Variants in ATP8A2 observed in about 807,000 individuals in gnomAD.
ATP8A2 encodes phospholipid-transporting ATPase IB.
A neutral mutation model predicts 165.6 loss-of-function variants in ATP8A2; 100 were observed. The ratio of observed to expected loss-of-function variants is 0.60; its 90% CI spans 0.51 to 0.71. The LOEUF (loss-of-function observed/expected upper bound fraction) is 0.71. ATP8A2 is among the 30% of genes least tolerant of loss of function. The probability of loss-of-function intolerance (pLI) is 0.00; values close to 1 mark genes in which losing one functional copy is unlikely to be tolerated. For missense variants in ATP8A2, 1,227 were observed against 1,479.5 expected (o/e 0.83, Z 2.80); for synonymous variants, 543 against 548.8 (o/e 0.99, Z 0.15).
chr13:25,958,716 AC>A (rs918062481), intron 33 of ATP8A2, among the ~76,000 whole-genome samples: 1 of 152,190 alleles, frequency 6.6e-6, no homozygotes, highest in African/African-American at 2.4e-5. Flanking sequence ...TCTGAGATAC[AC>A]CTTTAAAATT....
intron 2 of ATP8A2, among the ~76,000 whole-genome samples, chr13:25,499,022 A>G (rs2036767105): frequency 6.6e-6 from 1 of 152,216 alleles, no homozygotes; most frequent in African/African-American, 2.4e-5. Context: ...AAGGAAAGTA[A>G]AACTGAGATT....
At chr13:25,795,315 A>G (rs1311332340) in intron 27 of ATP8A2, among the ~76,000 whole-genome samples, 1 of 152,214 alleles carries the variant, frequency 6.6e-6, no homozygotes, top group Non-Finnish European at 1.5e-5. Context: ...GTTTCTATAC[A>G]TTACATTAAC....
intron 35 of ATP8A2, among the ~76,000 whole-genome samples, chr13:25,969,332 T>C (rs1955862228): frequency 6.6e-6 from 1 of 152,216 alleles, no homozygotes; most frequent in African/African-American, 2.4e-5. Context: ...GAGTGCACTC[T>C]GTTAAAATCT....
rs369975728 is a variant in ATP8A2, at chr13:25,800,346, A to C, written c.2679+25387A>C. On this transcript the variant is annotated intron_variant, in intron 27 of 36. Coordinates refer to ENST00000381655, the MANE Select transcript of ATP8A2 (RefSeq NM_016529.6). ...CCTGGTCAGAGCAGGAAAGGAAATA[A>C]ACACAGTTACATGATTATAAAACAA... is the stretch of plus-strand genomic sequence containing the variant. 7.9e-4 allele frequency among the ~76,000 whole-genome samples: 121 copies of C among 152,358 alleles called. 1 individual carries two copies. The highest frequency in any genetic ancestry group is 3.1e-3 in the South Asian group (15 of 4,832).
Position 25,822,495 on chromosome 13 carries a change from C to T in ATP8A2, c.2680-5623C>T, listed in dbSNP as rs182071246. Among the ~76,000 whole-genome samples, 600 of 152,242 alleles carry T rather than the reference C, an allele frequency of 3.9e-3. 4 individuals carry two copies. The highest frequency in any genetic ancestry group is 0.013 in the African/African-American group (551 of 41,554). On this transcript the variant is annotated intron_variant, in intron 27 of 36. Coordinates refer to ENST00000381655, the MANE Select transcript of ATP8A2 (RefSeq NM_016529.6). ...CATCTGATAAGAAAAACAGTTATAT[C>T]CATTTGTGTACATGTTTAATAAAAA... is the stretch of plus-strand genomic sequence containing the variant.
In ATP8A2 at chr13:25,696,836, C is replaced by T. The variant is rs144062201; in HGVS notation, c.2212-2337C>T. Among the ~76,000 whole-genome samples the T allele has an allele frequency of 2.0e-3, 312 of 152,314 alleles. 3 individuals carry two copies. Among genetic ancestry groups the T allele is most frequent in the African/African-American group, 6.3e-3 (263 of 41,574 alleles). On this transcript the variant is annotated intron_variant, in intron 24 of 36. Coordinates refer to ENST00000381655, the MANE Select transcript of ATP8A2 (RefSeq NM_016529.6). ...TTCAAGAACTTTTCCTATGCATTCA[C>T]GACTTGGCTAACTGGTGCAAGAGGC... is the stretch of plus-strand genomic sequence containing the variant.
intron 27 of ATP8A2, among the ~76,000 whole-genome samples, chr13:25,796,394 T>C (rs937128494): frequency 1.4e-4 from 21 of 152,312 alleles, no homozygotes; most frequent in Admixed American, 9.8e-4. Flanking sequence ...GGCAGGTGTG[T>C]GTTGTTTATT....
chr13:25,441,968 G>A (rs1021442739), intron 1 of ATP8A2, among the ~76,000 whole-genome samples: 6 of 152,074 alleles, frequency 3.9e-5, no homozygotes, highest in African/African-American at 1.2e-4. Flanking sequence ...CTAAGATTTT[G>A]ACTACTCTAA....
chr13:25,506,004 C>G (rs1404147957), intron 2 of ATP8A2, among the ~76,000 whole-genome samples: 1 of 152,190 alleles, frequency 6.6e-6, no homozygotes, highest in Non-Finnish European at 1.5e-5. Flanking sequence ...CAAGCTGACG[C>G]TGGGATTACA....
At chr13:25,879,634 G>C (rs1254857104) in intron 33 of ATP8A2, among the ~76,000 whole-genome samples, 1 of 152,186 alleles carries the variant, frequency 6.6e-6, no homozygotes, top group Non-Finnish European at 1.5e-5. Flanking sequence ...GGTGGCCAGT[G>C]CTGGCAGGCG....
At chr13:25,856,738 A>G (rs998812321) in intron 30 of ATP8A2, among the ~76,000 whole-genome samples, 3 of 152,218 alleles carry the variant, frequency 2.0e-5, no homozygotes, top group African/African-American at 4.8e-5. Flanking sequence ...TCATTAAGCA[A>G]TAACTCCTCC....
intron 1 of ATP8A2, among the ~76,000 whole-genome samples, chr13:25,412,155 G>C (rs2033985812): frequency 6.6e-6 from 1 of 152,116 alleles, no homozygotes. Context: ...TCCAGGAGGG[G>C]GACAGGTATA....
intron 11 of ATP8A2, among the ~76,000 whole-genome samples, chr13:25,553,532 A>G (rs1357803171): frequency 6.6e-6 from 1 of 152,112 alleles, no homozygotes; most frequent in Non-Finnish European, 1.5e-5. Context: ...CTTCTTCTGG[A>G]TGGCCTTCAG....
intron 2 of ATP8A2, among the ~76,000 whole-genome samples, chr13:25,523,766 G>A (rs2037745992): frequency 1.3e-5 from 2 of 151,750 alleles, no homozygotes; most frequent in South Asian, 2.1e-4. Flanking sequence ...TTTCTTCCTA[G>A]TCTAGCTAAG....
In ATP8A2 at chr13:25,542,125, C is replaced by G. The variant is rs9578884; in HGVS notation, c.779+79C>G. The G allele has an allele frequency of 2.3e-4, 321 of 1,398,254 alleles. No individual in the cohort carries two copies. The African/African-American group carries it at 4.3e-3, about 19-fold the overall frequency. The allele number at this position is 1,398,254 out of a possible 1,614,324, so 86.6% of individuals were successfully genotyped here. ...GGAGCTTTGGAAAATATGTTTGTTT[C>G]CTAGTTTTGTAATATTTTAAAACAG... On this transcript the variant is annotated intron_variant, in intron 9 of 36. Transcript: ENST00000381655.
At chr13:25,411,996 G>T (rs2138063185) in intron 1 of ATP8A2, among the ~76,000 whole-genome samples, 1 of 152,196 alleles carries the variant, frequency 6.6e-6, no homozygotes, top group Admixed American at 6.5e-5. Flanking sequence ...GTCTCTTCCT[G>T]CGTCAGACCT....
chr13:25,625,533 A>G (rs1010788573), intron 24 of ATP8A2, among the ~76,000 whole-genome samples: 3 of 152,228 alleles, frequency 2.0e-5, no homozygotes, highest in South Asian at 2.1e-4. Flanking sequence ...ACCAACATCA[A>G]TGTGTTTGAG....
chr13:25,530,259 C>T (rs1209421993), intron 3 of ATP8A2, among the ~76,000 whole-genome samples, 161 bp downstream of exon 3: 2 of 152,142 alleles, frequency 1.3e-5, no homozygotes, highest in African/African-American at 4.8e-5. Context: ...ACTTTGTATA[C>T]AGGGAGATTT....
At chr13:25,740,000 A>G (rs2043872231) in intron 25 of ATP8A2, among the ~76,000 whole-genome samples, 1 of 152,208 alleles carries the variant, frequency 6.6e-6, no homozygotes, top group Non-Finnish European at 1.5e-5. Context: ...GGGGCCACCT[A>G]CATTGCTCAT....
Sources: allele counts gnomAD v4.1 joint callset (sites outside exome capture counted in the v4.1 genomes callset), GRCh38; gene constraint gnomAD v4.1.1; transcripts MANE v1.5; gene names NCBI Gene and HGNC (gene_info 2026-07-23, HGNC 2026-07-21).